CEP290: variants seen among roughly 807,000 people sequenced by gnomAD.
CEP290 encodes the protein centrosomal protein of 290 kDa.
In CEP290, 317 loss-of-function variants were observed where a neutral mutation model predicts 344.9. That is an observed-to-expected ratio of 0.92 (90% confidence interval 0.84 to 1.01). The LOEUF is 1.01. Among genes scored for constraint, CEP290 ranks in the 50% least tolerant of loss-of-function variants. The probability of loss-of-function intolerance (pLI) is 0.00; values close to 1 mark genes in which losing one functional copy is unlikely to be tolerated. For synonymous variants in CEP290, 932 were observed against 895.8 expected, an observed-to-expected ratio of 1.04 and a Z score of -0.72; for missense variants, 2,754 against 2,761.4, an observed-to-expected ratio of 1.00 and a Z score of 0.06.
intron 14 of CEP290, 77 bp from the exon 15 acceptor site, chr12:88,120,353 T>TA: frequency 1.4e-6 from 1 of 727,044 alleles, no homozygotes; most frequent in East Asian, 3.2e-5. Context: ...ATTTTTTTTT[T>TA]ACTAAGTCTA....
At chr12:88,070,444 T>C (rs2035283758) in intron 43 of CEP290, among the ~76,000 whole-genome samples, 1 of 152,132 alleles carries the variant, frequency 6.6e-6, no homozygotes, top group South Asian at 2.1e-4. Flanking sequence ...GGGAATCTTT[T>C]AACACTCAAG....
At chr12:88,100,126 C>T (rs926063539) in intron 26 of CEP290, among the ~76,000 whole-genome samples, 22 of 152,002 alleles carry the variant, frequency 1.4e-4, no homozygotes, top group Middle Eastern at 6.8e-3. Context: ...CTAAATTAGC[C>T]GGCCGTGCTG....
At chr12:88,051,072 CTCTTT>C (rs1318181951) in intron 52 of CEP290, among the ~76,000 whole-genome samples, 6 of 151,936 alleles carry the variant, frequency 3.9e-5, no homozygotes, top group Non-Finnish European at 8.8e-5. Flanking sequence ...TGCTAGATAT[CTCTTT>C]TCTTTATATT....
chr12:88,055,484 A>G, intron 50 of CEP290, 92 bp downstream of exon 50: 3 of 1,160,802 alleles, frequency 2.6e-6, no homozygotes, highest in Non-Finnish European at 3.5e-6. Flanking sequence ...TCTTCTTAAT[A>G]GAGTCCATTT....
At position 88,114,404 on chromosome 12, in the gene CEP290, G is replaced by GA. The variant is rs1249161159; in HGVS notation, c.2052+15dup. The GA allele has an allele frequency of 6.5e-7, 1 of 1,532,398 alleles. No individual in the cohort carries two copies. The highest frequency in any genetic ancestry group is 8.8e-7 in the Non-Finnish European group (1 of 1,138,654). The allele number at this position is 1,532,398 out of a possible 1,614,324, so 94.9% of individuals were successfully genotyped here. Reference sequence around the variant, plus strand: ...AGTGATAGGGGAAAAACATTAACATGAAAAAAATAACTTACATTAACTAGT... The same window carrying GA: ...AGTGATAGGGGAAAAACATTAACATGAAAAAAAATAACTTACATTAACTAGT... On this transcript the variant is annotated intron_variant, in intron 20 of 53. Transcript: ENST00000552810.
intron 41 of CEP290, among the ~76,000 whole-genome samples, chr12:88,075,378 G>A (rs1195915192): frequency 3.3e-5 from 5 of 152,000 alleles, no homozygotes; most frequent in Admixed American, 6.6e-5. Flanking sequence ...CAAAAGCTTC[G>A]TATGCATAGA....
At chr12:88,120,023 A>G in intron 15 of CEP290, 91 bp downstream of exon 15, 1 of 757,758 alleles carries the variant, frequency 1.3e-6, no homozygotes, top group Non-Finnish European at 2.0e-6. Context: ...GCATTAAACT[A>G]CTTAATAAAT....
At chr12:88,075,468 T>C (rs894848502) in intron 41 of CEP290, among the ~76,000 whole-genome samples, 1 of 152,050 alleles carries the variant, frequency 6.6e-6, no homozygotes, top group Non-Finnish European at 1.5e-5. Flanking sequence ...TGCCAGCGAT[T>C]GTTCTAGGTG....
intron 13 of CEP290, among the ~76,000 whole-genome samples, chr12:88,124,402 T>C (rs1368187296): frequency 6.6e-6 from 1 of 152,140 alleles, no homozygotes; most frequent in East Asian, 1.9e-4. Context: ...CCTTTAAGTA[T>C]TGGTTCAATT....
intron 25 of CEP290, 32 bp downstream of exon 25, chr12:88,106,643 G>T: frequency 6.8e-7 from 1 of 1,469,260 alleles, no homozygotes; most frequent in Non-Finnish European, 9.3e-7. Flanking sequence ...ATTTTTCATA[G>T]TCAGAAAAAG....
At position 88,115,120 on chromosome 12, in the gene CEP290, C is replaced by G; in HGVS notation, c.1887G>C (p.Val629=). The G allele has an allele frequency of 6.8e-7, 1 of 1,471,654 alleles. No homozygotes were observed. The highest frequency in any genetic ancestry group is 9.3e-7 in the Non-Finnish European group (1 of 1,079,000). The allele number at this position is 1,471,654 out of a possible 1,614,324, so 91.2% of individuals were successfully genotyped here. A position where few individuals can be genotyped will look rare whatever the true frequency, so the allele number is the denominator to read the frequency against. The change falls in exon 19 of 54, where the codon GTG becomes GTC. Residue 629 remains valine (V), a synonymous_variant. Coordinates refer to ENST00000552810, the MANE Select transcript of CEP290 (RefSeq NM_025114.4). ...KERDLERSRT[V]IAKFQNKLKE... ...TACATTTATTCTGAAATTTGGCTAT[C>G]ACTGTCCTACTCCTTTCTAAATCTC... is the stretch of plus-strand genomic sequence containing the variant.
At chr12:88,063,158 G>T (rs1195556678) in intron 45 of CEP290, among the ~76,000 whole-genome samples, 1 of 138,298 alleles carries the variant, frequency 7.2e-6, no homozygotes, top group Non-Finnish European at 1.6e-5. Context: ...AAAAAAAAAG[G>T]AAAAAAAGTG....
chr12:88,053,624 A>T, intron 52 of CEP290, 28 bp downstream of exon 52: 1 of 1,140,446 alleles, frequency 8.8e-7, no homozygotes, highest in Non-Finnish European at 1.3e-6. Flanking sequence ...ACTTGGGGGT[A>T]GCTAACATGT....
intron 25 of CEP290, among the ~76,000 whole-genome samples, chr12:88,105,667 C>T (rs1440005601): frequency 1.3e-5 from 2 of 151,986 alleles, no homozygotes; most frequent in African/African-American, 4.8e-5. Context: ...TGTATGGTAC[C>T]AAAATATCAC....
At chr12:88,114,285 C>T (rs904980396) in intron 20 of CEP290, 135 bp downstream of exon 20, 5 of 652,568 alleles carry the variant, frequency 7.7e-6, no homozygotes, top group Non-Finnish European at 7.1e-6. Context: ...TCAAGAAAAA[C>T]TACACTTTAC....
At chr12:88,123,368 T>A (rs946222930) in intron 13 of CEP290, among the ~76,000 whole-genome samples, 1 of 152,134 alleles carries the variant, frequency 6.6e-6, no homozygotes. Context: ...CCTATATTTC[T>A]TTATTACATT....
In CEP290 at chr12:88,131,228, T is replaced by TAAA; in HGVS notation, c.442-13_442-11dup. 4 of 1,123,314 alleles carry TAAA rather than the reference T, an allele frequency of 3.6e-6. No homozygotes were observed. Among genetic ancestry groups the TAAA allele is most frequent in the Non-Finnish European group, 2.4e-6 (2 of 837,136 alleles). 69.6% of individuals were successfully genotyped at this position (1,123,314 alleles called of 1,614,324 possible). Reference sequence around the variant, plus strand: ...CATTTCGAAGAGCCAACTAAAATAGTAAAAAAAAAAAATAAATAAGAAGAA... The same window carrying TAAA: ...CATTTCGAAGAGCCAACTAAAATAGTAAAAAAAAAAAAAAATAAATAAGAAGAA... On this transcript the variant is annotated splice_polypyrimidine_tract_variant and intron_variant, in intron 6 of 53. Coordinates refer to ENST00000552810, the MANE Select transcript of CEP290 (RefSeq NM_025114.4).
chr12:88,078,476 A>T (rs1202091792), intron 39 of CEP290, among the ~76,000 whole-genome samples: 1 of 152,076 alleles, frequency 6.6e-6, no homozygotes, highest in African/African-American at 2.4e-5. Context: ...AACTATGGAG[A>T]CAGTAAAAAG....
chr12:88,087,409 A>T (rs1761406272), intron 32 of CEP290, among the ~76,000 whole-genome samples: 1 of 152,128 alleles, frequency 6.6e-6, no homozygotes, highest in African/African-American at 2.4e-5. Flanking sequence ...AATTAGAAGG[A>T]TAACATAGTC....
Sources: gnomAD v4.1 joint callset for allele counts (sites outside exome capture counted in the v4.1 genomes callset) on GRCh38, gnomAD v4.1.1 for gene constraint, MANE v1.5 for transcripts, NCBI Gene and HGNC (gene_info 2026-07-23, HGNC 2026-07-21) for gene names.